GRID2: variants seen among roughly 807,000 people sequenced by gnomAD.
GRID2 encodes the protein glutamate ionotropic receptor delta type subunit 2.
In GRID2, 33 loss-of-function variants were observed where a neutral mutation model predicts 114.8. That is an observed-to-expected ratio of 0.29 (90% CI 0.22 to 0.38). GRID2 has a LOEUF of 0.38. Ranked by LOEUF, GRID2 falls within the 10% of genes least tolerant of loss-of-function variation. The probability of loss-of-function intolerance (pLI) is 1.00; values close to 1 mark genes in which losing one functional copy is unlikely to be tolerated. For missense variants in GRID2, 1,184 were observed against 1,257.7 expected (o/e 0.94, Z 0.89); for synonymous variants, 505 against 449.9 (o/e 1.12, Z -1.55).
intron 2 of GRID2, among the ~76,000 whole-genome samples, chr4:93,047,248 T>C (rs1261892325): frequency 6.6e-6 from 1 of 152,084 alleles, no homozygotes; most frequent in Non-Finnish European, 1.5e-5. Flanking sequence ...AAATGGAGTA[T>C]GGTAGCCTGG....
chr4:93,323,074 G>T (rs537821606), intron 8 of GRID2, among the ~76,000 whole-genome samples: 4 of 152,042 alleles, frequency 2.6e-5, no homozygotes, highest in African/African-American at 9.7e-5. Flanking sequence ...GTCAATTTTG[G>T]CTTTTGTTGC....
At chr4:93,592,042 G>T (rs1738397016) in intron 13 of GRID2, among the ~76,000 whole-genome samples, 1 of 151,976 alleles carries the variant, frequency 6.6e-6, no homozygotes, top group African/African-American at 2.4e-5. Flanking sequence ...AGGGTATTTT[G>T]TGTCTCTATT....
At chr4:92,869,231 C>T (rs1336268673) in intron 2 of GRID2, among the ~76,000 whole-genome samples, 1 of 152,024 alleles carries the variant, frequency 6.6e-6, no homozygotes, top group Non-Finnish European at 1.5e-5. Flanking sequence ...ATTTTAATGT[C>T]TAATTTATAG....
intron 9 of GRID2, among the ~76,000 whole-genome samples, chr4:93,415,537 G>A (rs1325927758): frequency 1.3e-5 from 2 of 152,048 alleles, no homozygotes; most frequent in African/African-American, 4.8e-5. Flanking sequence ...TCAAATGAAT[G>A]TCAGGCAGAA....
At chr4:93,805,346 A>G (rs1428578814) in intron 1 of GRID2, among the ~76,000 whole-genome samples, 2 of 152,226 alleles carry the variant, frequency 1.3e-5, no homozygotes, top group African/African-American at 4.8e-5. Flanking sequence ...GATAAAATGC[A>G]GTGTTTCCCA....
intron 9 of GRID2, among the ~76,000 whole-genome samples, chr4:93,414,000 G>A (rs1024600988): frequency 1.1e-4 from 17 of 152,074 alleles, no homozygotes; most frequent in Non-Finnish European, 2.9e-5. Context: ...CTAAAAATCA[G>A]TCAAGGACAG....
At chr4:92,466,331 T>C (rs1012526062) in intron 1 of GRID2, among the ~76,000 whole-genome samples, 8 of 151,904 alleles carry the variant, frequency 5.3e-5, no homozygotes, top group Non-Finnish European at 8.8e-5. Flanking sequence ...TCAGAGTTTG[T>C]ACAGAGAGTT....
At chr4:92,787,173 G>C (rs894205143) in intron 2 of GRID2, among the ~76,000 whole-genome samples, 11 of 151,886 alleles carry the variant, frequency 7.2e-5, no homozygotes, top group African/African-American at 2.7e-4. Context: ...TTACTCTGTG[G>C]ATAGTGTTCT....
intron 1 of GRID2, among the ~76,000 whole-genome samples, chr4:92,373,144 A>G (rs1294250500): frequency 3.3e-5 from 5 of 152,176 alleles, no homozygotes; most frequent in African/African-American, 7.2e-5. Flanking sequence ...GCATTGGATA[A>G]TGTCAGGAAG....
intron 11 of GRID2, among the ~76,000 whole-genome samples, chr4:93,461,762 A>G (rs1022964350): frequency 2.0e-5 from 3 of 152,164 alleles, no homozygotes; most frequent in African/African-American, 7.2e-5. Context: ...AAATGCACGA[A>G]TGAGAGACCA....
At chr4:93,412,666 A>C (rs1344569475) in intron 9 of GRID2, among the ~76,000 whole-genome samples, 1 of 152,068 alleles carries the variant, frequency 6.6e-6, no homozygotes, top group African/African-American at 2.4e-5. Context: ...GTGCCATGTT[A>C]GTTTGCTGCA....
chr4:92,307,784 T>C lies in GRID2; in HGVS notation c.88+3040T>C, dbSNP rs1725484329. Among the ~76,000 whole-genome samples the C allele has an allele frequency of 2.0e-5, 3 of 152,286 alleles. No homozygotes were observed. The South Asian group carries it at 6.2e-4, about 32-fold the overall frequency. On this transcript the variant is annotated intron_variant, in intron 1 of 15. Transcript: ENST00000282020. ...ACATCCACACACAGATACACAACCA[T>C]ATAGTATTTAAAAATGAATCACTTC... is the stretch of plus-strand genomic sequence containing the variant.
chr4:92,828,717 A>G (rs139514010), intron 2 of GRID2, among the ~76,000 whole-genome samples: 1 of 152,162 alleles, frequency 6.6e-6, no homozygotes, highest in Non-Finnish European at 1.5e-5. Context: ...TGGTAATGTT[A>G]ATCAACACTG....
intron 1 of GRID2, among the ~76,000 whole-genome samples, chr4:92,359,815 A>AT (rs1407585105): frequency 1.3e-5 from 2 of 151,810 alleles, no homozygotes; most frequent in African/African-American, 2.4e-5. Context: ...TTGCCAAAAC[A>AT]TTTTTTCCTA....
At chr4:92,734,085 C>T (rs1398563111) in intron 2 of GRID2, among the ~76,000 whole-genome samples, 1 of 151,992 alleles carries the variant, frequency 6.6e-6, no homozygotes, top group African/African-American at 2.4e-5. Context: ...TTCAAAGGAA[C>T]ATGAAATAAA....
Position 93,292,796 on chromosome 4 carries a change from C to T in GRID2, c.1245+54306C>T, listed in dbSNP as rs1753886162. Among the ~76,000 whole-genome samples the T allele has an allele frequency of 2.0e-5, 3 of 152,146 alleles. No individual in the cohort carries two copies. In the South Asian group the frequency reaches 6.2e-4, roughly 32 times the overall value. On this transcript the variant is annotated intron_variant, in intron 8 of 15. Coordinates refer to ENST00000282020, the MANE Select transcript of GRID2 (RefSeq NM_001510.4). ...AGTTTGGCTTGCAAGTTCACAAGTCCTTTCTCTGCTTCCTTTCCTCCTTAA... is the reference window on the plus strand; with the variant it reads ...AGTTTGGCTTGCAAGTTCACAAGTCTTTTCTCTGCTTCCTTTCCTCCTTAA...
intron 12 of GRID2, among the ~76,000 whole-genome samples, chr4:93,493,185 A>G (rs1233869469): frequency 6.6e-6 from 1 of 151,918 alleles, no homozygotes; most frequent in Non-Finnish European, 1.5e-5. Context: ...CTCAAAATTT[A>G]TGTAGTTCAC....
intron 9 of GRID2, among the ~76,000 whole-genome samples, chr4:93,400,299 C>A (rs1308267067): frequency 6.6e-6 from 1 of 152,066 alleles, no homozygotes; most frequent in Non-Finnish European, 1.5e-5. Context: ...ACCAAAGCCA[C>A]AGAAATATGT....
chr4:92,541,979 G>A (rs1312843096), intron 1 of GRID2, among the ~76,000 whole-genome samples: 1 of 152,032 alleles, frequency 6.6e-6, no homozygotes, highest in Non-Finnish European at 1.5e-5. Flanking sequence ...GCTGAGTGAA[G>A]TGTGTTTGTG....
Sources: allele counts gnomAD v4.1 joint callset (sites outside exome capture counted in the v4.1 genomes callset), GRCh38; gene constraint gnomAD v4.1.1; transcripts MANE v1.5; gene names NCBI Gene and HGNC (gene_info 2026-07-23, HGNC 2026-07-21).